Variants in ATP10A observed in about 807,000 individuals in gnomAD.
ATP10A encodes the protein phospholipid-transporting ATPase VA.
In ATP10A, 111 loss-of-function variants were observed where a neutral mutation model predicts 147.8. The ratio of observed to expected loss-of-function variants is 0.75; its 90% confidence interval spans 0.64 to 0.88. The LOEUF is 0.88. ATP10A is among the 40% of genes least tolerant of loss of function. The probability of loss-of-function intolerance (pLI) is 0.00; values close to 1 mark genes in which losing one functional copy is unlikely to be tolerated. For synonymous variants in ATP10A, 875 were observed against 841.6 expected, an observed-to-expected ratio of 1.04 and a Z score of -0.69; for missense variants, 1,927 against 1,959.0, an observed-to-expected ratio of 0.98 and a Z score of 0.31.
At chr15:25,754,252 G>T (rs143468801) in intron 2 of ATP10A, among the ~76,000 whole-genome samples, 7,015 of 152,236 alleles carry the variant, frequency 0.046, 281 homozygotes, top group African/African-American at 0.1. Context: ...TCCTGCCTCA[G>T]CCTCCCGAGT....
chr15:25,708,399 G>A (rs1901181943), intron 10 of ATP10A, 99 bp from the exon 11 acceptor site: 17 of 992,456 alleles, frequency 1.7e-5, no homozygotes, highest in South Asian at 1.3e-4. Flanking sequence ...CGTTACTTGC[G>A]AATAGAGCAC....
In ATP10A at chr15:25,695,085, C is replaced by T. The variant is rs761797872; in HGVS notation, c.2822G>A (p.Arg941Lys). The T allele has an allele frequency of 1.9e-6, 3 of 1,614,144 alleles. No homozygotes were observed. The highest frequency in any genetic ancestry group is 1.1e-5 in the South Asian group (1 of 91,076). The change falls in exon 14 of 21, where the codon AGA (arginine) becomes AAA (lysine). Residue 941 changes from arginine (R) to lysine (K), a missense_variant. Physicochemically the swap from Arg to Lys is conservative, Grantham distance 26. Transcript: ENST00000555815. ...TTTGCCCTTGGTCTTCTCAGGGGCT[C>T]TCTGGAGGCCTCTGGACTGCACGTA... ...LCYVQSRGLQ[R>K]APEKTKGKVS...
At chr15:25,720,140 C>A (rs1451071921) in intron 7 of ATP10A, among the ~76,000 whole-genome samples, 1 of 152,164 alleles carries the variant, frequency 6.6e-6, no homozygotes, top group Non-Finnish European at 1.5e-5. Flanking sequence ...GGAGCCTAAG[C>A]TTCCAACTTT....
chr15:25,676,728 T>A (rs1463042031), downstream of ATP10A, among the ~76,000 whole-genome samples: 1 of 123,212 alleles, frequency 8.1e-6, no homozygotes, highest in Non-Finnish European at 2.0e-5. Flanking sequence ...GATATTAATA[T>A]AATTATGTCT....
chr15:25,787,829 A>C (rs1257000210), intron 1 of ATP10A, among the ~76,000 whole-genome samples: 1 of 151,900 alleles, frequency 6.6e-6, no homozygotes, highest in Non-Finnish European at 1.5e-5. Flanking sequence ...ACAAACTGGG[A>C]AGTGCCCCCT....
At chr15:25,852,914 G>A (rs1261088443) in intron 1 of ATP10A, among the ~76,000 whole-genome samples, 1 of 152,182 alleles carries the variant, frequency 6.6e-6, no homozygotes, top group African/African-American at 2.4e-5. Flanking sequence ...GTTAATAAAT[G>A]TGCTTGCCTT....
intron 2 of ATP10A, among the ~76,000 whole-genome samples, chr15:25,768,650 C>A (rs1596848715): frequency 6.6e-6 from 1 of 150,448 alleles, no homozygotes. Context: ...CTCAAGCAAT[C>A]CTCCCACCTC....
At chr15:25,785,722 C>T (rs777011749) in intron 1 of ATP10A, among the ~76,000 whole-genome samples, 31 of 152,210 alleles carry the variant, frequency 2.0e-4, no homozygotes, top group Middle Eastern at 3.2e-3. Context: ...CTTCTTGAGG[C>T]TTTTATCAGC....
intron 1 of ATP10A, among the ~76,000 whole-genome samples, chr15:25,800,482 C>T (rs1890886206): frequency 6.6e-6 from 1 of 152,168 alleles, no homozygotes; most frequent in Non-Finnish European, 1.5e-5. Context: ...ACCTGCCCTC[C>T]CCTTGTGACC....
intron 10 of ATP10A, chr15:25,708,642 T>C (rs986141759): frequency 3.0e-5 from 6 of 201,254 alleles, no homozygotes; most frequent in Middle Eastern, 2.2e-3. Context: ...GTTTTTAACA[T>C]CCTTTGTTGA....
chr15:25,753,781 T>TTATA (rs577378003), intron 2 of ATP10A, among the ~76,000 whole-genome samples: 2 of 148,708 alleles, frequency 1.3e-5, no homozygotes, highest in African/African-American at 2.4e-5. Flanking sequence ...ATGATATATG[T>TTATA]TATATATATA....
chr15:25,790,070 C>A (rs1229246368), intron 1 of ATP10A, among the ~76,000 whole-genome samples: 1 of 152,122 alleles, frequency 6.6e-6, no homozygotes, highest in Admixed American at 6.6e-5. Context: ...TGGCAAAATC[C>A]GCAGTGGGAA....
intron 2 of ATP10A, among the ~76,000 whole-genome samples, chr15:25,751,192 G>T (rs1190976626): frequency 6.6e-6 from 1 of 152,110 alleles, no homozygotes; most frequent in African/African-American, 2.4e-5. Flanking sequence ...GACAAAGTAA[G>T]TTTCAAAGCA....
chr15:25,707,607 A>G (rs1901112739), intron 12 of ATP10A, among the ~76,000 whole-genome samples: 2 of 151,980 alleles, frequency 1.3e-5, no homozygotes, highest in African/African-American at 4.8e-5. Flanking sequence ...AAACATTCCT[A>G]AGATGCAAAA....
intron 14 of ATP10A, 62 bp from the exon 15 acceptor site, chr15:25,691,853 T>C (rs368361962): frequency 8.1e-6 from 13 of 1,604,880 alleles, no homozygotes; most frequent in Admixed American, 1.7e-5. Flanking sequence ...ATCAAATCAA[T>C]GTGCTAGATT....
chr15:25,773,280 G>A (rs1889430063), intron 2 of ATP10A, among the ~76,000 whole-genome samples: 1 of 152,152 alleles, frequency 6.6e-6, no homozygotes, highest in Non-Finnish European at 1.5e-5. Flanking sequence ...CGAAAGCATT[G>A]CATAGGTTGA....
intron 2 of ATP10A, among the ~76,000 whole-genome samples, chr15:25,756,861 T>C (rs1270768819): frequency 6.6e-6 from 1 of 152,200 alleles, no homozygotes; most frequent in African/African-American, 2.4e-5. Flanking sequence ...TTTGCTTAGG[T>C]GCTGACTAAC....
chr15:25,701,857 C>A, intron 13 of ATP10A, 59 bp downstream of exon 13: 11 of 1,471,860 alleles, frequency 7.5e-6, no homozygotes, highest in Non-Finnish European at 9.2e-6. Flanking sequence ...GCCAAGGGGG[C>A]CACGATAAAC....
At chr15:25,681,288 C>G (rs1899396642) in intron 17 of ATP10A, among the ~76,000 whole-genome samples, 1 of 152,160 alleles carries the variant, frequency 6.6e-6, no homozygotes, top group African/African-American at 2.4e-5. Flanking sequence ...AAAAATATAT[C>G]TATAAGGACA....
Sources: gnomAD v4.1 joint callset for allele counts (sites outside exome capture counted in the v4.1 genomes callset) on GRCh38, gnomAD v4.1.1 for gene constraint, MANE v1.5 for transcripts, NCBI Gene and HGNC (gene_info 2026-07-23, HGNC 2026-07-21) for gene names.